Variants in PLXND1 observed in about 807,000 individuals in gnomAD.
PLXND1 encodes plexin D1.
A neutral mutation model predicts 197.7 loss-of-function variants in PLXND1; 54 were observed. That is an observed-to-expected ratio of 0.27 (90% CI 0.22 to 0.34). The LOEUF is 0.34. PLXND1 is among the 10% of genes least tolerant of loss of function. PLXND1 has a pLI of 1.00. For missense variants in PLXND1, 2,127 were observed against 2,699.2 expected (o/e 0.79, Z 4.70); for synonymous variants, 1,180 against 1,161.2 (o/e 1.02, Z -0.33).
Position 129,586,219 on chromosome 3 carries a change from G to A in PLXND1, c.1674C>T (p.Cys558=), listed in dbSNP as rs376057297. The A allele has an allele frequency of 5.7e-5, 91 of 1,602,156 alleles. No homozygotes were observed. In the Middle Eastern group the frequency reaches 7.0e-4, roughly 12 times the overall value. Residue 558 remains cysteine (C), a synonymous_variant, in exon 4 of 36, where the codon TGC becomes TGT. Coordinates refer to ENST00000324093, the MANE Select transcript of PLXND1 (RefSeq NM_015103.3). ...CGCAGTAGGCGTCCGCCGCACCCAC[G>A]CAGTCCCCACAGGTGGAGTGCACGT... ...ACNVHSTCGD[C]VGAADAYCGW... is the part of the protein sequence containing the mutation.
In PLXND1 at chr3:129,569,846, C is replaced by T. The variant is rs143319606; in HGVS notation, c.3862G>A (p.Val1288Met). The change falls in exon 20 of 36, where the codon GTG becomes ATG. Residue 1288 changes from valine to methionine, a missense_variant. Physicochemically the swap from Val to Met is conservative, Grantham distance 21. Coordinates refer to ENST00000324093, the MANE Select transcript of PLXND1 (RefSeq NM_015103.3). ...ICSVLLLLSV[V>M]ALFVFCTKSR... ...TCCTGAGGGTGGGGCTCCTTACCCA[C>T]CACGGAGAGCAGCAGCAGGACGCTG... 24 of 1,585,868 alleles carry T rather than the reference C, an allele frequency of 1.5e-5. No individual in the cohort carries two copies. The African/African-American group carries it at 2.4e-4, about 16-fold the overall frequency.
At chr3:129,583,315 C>T (rs372136049) in intron 8 of PLXND1, among the ~76,000 whole-genome samples, 6 of 152,190 alleles carry the variant, frequency 3.9e-5, no homozygotes, top group East Asian at 1.9e-4. Flanking sequence ...TTCTAAGAAG[C>T]GGTCTTCAGG....
chr3:129,578,169 G>T (rs1872112), intron 9 of PLXND1, among the ~76,000 whole-genome samples, 160 bp downstream of exon 9: 4 of 152,358 alleles, frequency 2.6e-5, no homozygotes, highest in Non-Finnish European at 5.9e-5. Flanking sequence ...TCATGCAGAA[G>T]GTGGAAACTC....
intron 16 of PLXND1, 27 bp from the exon 17 acceptor site, chr3:129,571,626 T>C (rs777637774): frequency 6.2e-7 from 1 of 1,613,786 alleles, no homozygotes; most frequent in Non-Finnish European, 8.5e-7. Flanking sequence ...AACCTATCAG[T>C]GCACCTGCAG....
rs2084959400 is a variant in PLXND1, at chr3:129,555,415, T to C, written c.*897A>G. The C allele has an allele frequency of 7.7e-6, 5 of 646,900 alleles. No individual in the cohort carries two copies. Among genetic ancestry groups the C allele is most frequent in the East Asian group, 5.8e-5 (2 of 34,236 alleles). 40.1% of individuals were successfully genotyped at this position (646,900 alleles called of 1,614,324 possible). ...CAGGCGCCAGGGGCGCTCTGCCAGG[T>C]CTGCCCGCTCTCTGGAACAGTCATT... On this transcript the variant is annotated 3_prime_UTR_variant, in exon 36 of 36. Coordinates refer to ENST00000324093, the MANE Select transcript of PLXND1 (RefSeq NM_015103.3).
intron 19 of PLXND1, 166 bp downstream of exon 19, chr3:129,570,618 TCA>T (rs1441670732): frequency 1.5e-6 from 1 of 678,740 alleles, no homozygotes; most frequent in Admixed American, 2.6e-5. Flanking sequence ...TTCTTGGGCC[TCA>T]GTTTCCTCAT....
intron 29 of PLXND1, chr3:129,561,119 C>CA (rs1466503663): frequency 3.0e-5 from 14 of 471,964 alleles, no homozygotes; most frequent in Non-Finnish European, 5.5e-5. Context: ...GGAGGGGCCC[C>CA]AGGCAGGCGG....
At chr3:129,572,000 C>A (rs1256343126) in intron 15 of PLXND1, 156 bp from the exon 16 acceptor site, 14 of 693,264 alleles carry the variant, frequency 2.0e-5, no homozygotes, top group African/African-American at 3.6e-5. Flanking sequence ...TAGTGCCCAG[C>A]TGTTTCCTTA....
intron 1 of PLXND1, among the ~76,000 whole-genome samples, chr3:129,601,532 G>A (rs865877890): frequency 6.6e-6 from 1 of 152,092 alleles, no homozygotes; most frequent in Non-Finnish European, 1.5e-5. Flanking sequence ...CAGGTCATTC[G>A]GCCCTGGGGT....
In PLXND1 at chr3:129,557,345, A is replaced by G; in HGVS notation, c.5446-122T>C. 2 of 1,091,836 alleles carry G rather than the reference A, an allele frequency of 1.8e-6. No homozygotes were observed. The highest frequency in any genetic ancestry group is 2.7e-6 in the Non-Finnish European group (2 of 748,456). 67.6% of individuals were successfully genotyped at this position (1,091,836 alleles called of 1,614,324 possible). A position where few individuals can be genotyped will look rare whatever the true frequency, so the allele number is the denominator to read the frequency against. On this transcript the variant is annotated intron_variant, in intron 33 of 35. Transcript: ENST00000324093. The surrounding 1 kb of genome is among the most constrained non-coding windows in gnomAD (Gnocchi z 4.8). ...GACCTTAGCAGGCCCCCGAGGCCCA[A>G]AGAGTCTCACCCGGTCACTGAACGT... is the stretch of plus-strand genomic sequence containing the variant.
At chr3:129,581,439 C>T (rs1232036693) in intron 8 of PLXND1, among the ~76,000 whole-genome samples, 2 of 152,196 alleles carry the variant, frequency 1.3e-5, no homozygotes, top group Non-Finnish European at 2.9e-5. Flanking sequence ...TCTCTCAAGA[C>T]CCAGCACGAA....
chr3:129,568,344 G>A (rs1383377672), intron 20 of PLXND1, among the ~76,000 whole-genome samples: 1 of 152,074 alleles, frequency 6.6e-6, no homozygotes, highest in Non-Finnish European at 1.5e-5. Flanking sequence ...TTAATATATA[G>A]TATTTTCAGA....
intron 35 of PLXND1, 63 bp downstream of exon 35, chr3:129,556,554 G>A (rs973236967): frequency 3.5e-5 from 47 of 1,359,128 alleles, no homozygotes; most frequent in Non-Finnish European, 5.0e-5. Context: ...ACCCTGAGAT[G>A]TGTGTCCTTG....
At position 129,562,895 on chromosome 3, in the gene PLXND1, G is replaced by A. The variant is rs753978969; in HGVS notation, c.4717C>T (p.Arg1573Trp). The A allele has an allele frequency of 6.2e-7, 1 of 1,609,792 alleles. No individual in the cohort carries two copies. Among genetic ancestry groups the A allele is most frequent in the Non-Finnish European group, 8.5e-7 (1 of 1,176,410 alleles). Residue 1573 changes from arginine to tryptophan, a missense_variant, in exon 27 of 36, where the codon CGG (arginine) becomes TGG (tryptophan). Arg to Trp is a moderately radical substitution (Grantham distance 101, BLOSUM62 -3). Around this residue, in one of 6 missense-constraint regions of PLXND1, gnomAD observed 532 missense variants for 811.0 expected, o/e 0.66. Transcript: ENST00000324093. ...GTCAGCGTGTCGGTGTCCATGGCCC[G>A]CACGCTCAGCGAGTCCATGCCACAG... is the stretch of plus-strand genomic sequence containing the variant. ...QGCGMDSLSV[R>W]AMDTDTLTQV...
intron 25 of PLXND1, among the ~76,000 whole-genome samples, chr3:129,564,508 C>T (rs1369370399): frequency 6.6e-6 from 1 of 152,224 alleles, no homozygotes; most frequent in Non-Finnish European, 1.5e-5. Flanking sequence ...AAAAACAGAA[C>T]ATCCGAGGCC....
chr3:129,566,120 G>C, intron 23 of PLXND1, 103 bp from the exon 24 acceptor site: 3 of 1,241,888 alleles, frequency 2.4e-6, no homozygotes, highest in Non-Finnish European at 3.5e-6. Flanking sequence ...CCTGGGATGG[G>C]GAGCTCATTA....
intron 8 of PLXND1, among the ~76,000 whole-genome samples, chr3:129,579,331 G>A (rs371640100): frequency 1.3e-5 from 2 of 152,200 alleles, no homozygotes; most frequent in South Asian, 4.1e-4. Context: ...GTGTTAAGAT[G>A]CAGAGGTCTA....
At chr3:129,566,142 G>C in intron 23 of PLXND1, 125 bp from the exon 24 acceptor site, 1 of 926,670 alleles carries the variant, frequency 1.1e-6, no homozygotes, top group South Asian at 1.5e-5. Context: ...CTTCCACGGT[G>C]GATGCCTCCT....
chr3:129,556,878 C>T (rs990036690), intron 34 of PLXND1, 187 bp from the exon 35 acceptor site: 6 of 693,716 alleles, frequency 8.6e-6, no homozygotes, highest in Non-Finnish European at 1.5e-5. Context: ...ATCTCCTCTC[C>T]ATCCAGAGGG....
Sources: gnomAD v4.1 joint callset for allele counts (sites outside exome capture counted in the v4.1 genomes callset) on GRCh38, gnomAD v4.1.1 for gene constraint, gnomAD v4.1.1 regional missense constraint, Gnocchi (gnomAD v3.1) non-coding constraint, MANE v1.5 for transcripts, NCBI Gene and HGNC (gene_info 2026-07-23, HGNC 2026-07-21) for gene names.